The following STARD13 variants were observed in gnomAD, a reference collection of about 807,000 sequenced individuals.
The protein encoded by STARD13 is stAR-related lipid transfer protein 13.
Under a neutral mutation model 106.4 loss-of-function variants are expected in STARD13, and 62 were observed. That is an observed-to-expected ratio of 0.58 (90% CI 0.48 to 0.72). STARD13 has a LOEUF of 0.72. STARD13 is among the 30% of genes least tolerant of loss of function. STARD13 has a pLI of 0.00. For missense variants in STARD13, 1,387 were observed against 1,424.0 expected, an observed-to-expected ratio of 0.97 and a Z score of 0.42; for synonymous variants, 565 against 553.0, an observed-to-expected ratio of 1.02 and a Z score of -0.31.
At chr13:33,350,144 T>G (rs972170701) in intron 1 of STARD13, 4 of 1,146,616 alleles carry the variant, frequency 3.5e-6, no homozygotes, top group Non-Finnish European at 4.4e-6. Flanking sequence ...CCAGGGAGGG[T>G]GGTGCCCGCA....
At chr13:33,451,333 G>GT in the STARD13 span, among the ~76,000 whole-genome samples, 1 of 152,180 alleles carries the variant, frequency 6.6e-6, no homozygotes, top group Non-Finnish European at 1.5e-5. Flanking sequence ...CTCTAAAAAT[G>GT]TAAGTTTTAT....
the STARD13 span, among the ~76,000 whole-genome samples, chr13:33,593,545 C>T: frequency 6.6e-6 from 1 of 152,152 alleles, no homozygotes; most frequent in East Asian, 1.9e-4. Context: ...CCTCGAGACT[C>T]TCTTTTCTGG....
chr13:33,244,829 C>T lies in STARD13; in HGVS notation c.169+40641G>A, dbSNP rs369090481. ...AGGAGAAACCAGCAGAAGAACTCAA[C>T]AGCTGAGCCCTGACCAAATTGCCAA... On this transcript the variant is annotated intron_variant, in intron 1 of 13. Coordinates refer to ENST00000336934, the MANE Select transcript of STARD13 (RefSeq NM_178006.4). Among the ~76,000 whole-genome samples the T allele has an allele frequency of 3.9e-5, 6 of 152,312 alleles. 1 individual carries two copies. The South Asian group carries it at 1.0e-3, about 26-fold the overall frequency.
chr13:33,216,789 T>G (rs944230519), intron 1 of STARD13, among the ~76,000 whole-genome samples: 1 of 152,186 alleles, frequency 6.6e-6, no homozygotes, highest in African/African-American at 2.4e-5. Context: ...CAACCATAAC[T>G]GAAGCATGCC....
At chr13:33,465,521 G>C in the STARD13 span, among the ~76,000 whole-genome samples, 5 of 152,002 alleles carry the variant, frequency 3.3e-5, no homozygotes, top group Admixed American at 6.6e-5. Context: ...TTCCGCTTTT[G>C]TATTTCTATC....
chr13:33,235,736 C>A (rs1889154904), intron 1 of STARD13, among the ~76,000 whole-genome samples: 2 of 152,214 alleles, frequency 1.3e-5, no homozygotes, highest in South Asian at 4.1e-4. Flanking sequence ...GCTCCAAATG[C>A]AAATTCTTGG....
chr13:33,380,205 G>C, the STARD13 span, among the ~76,000 whole-genome samples: 14 of 152,008 alleles, frequency 9.2e-5, no homozygotes, highest in African/African-American at 3.1e-4. Flanking sequence ...TACCAACGTG[G>C]TGAATTCAAG....
chr13:33,211,760 G>A (rs1219163452), intron 1 of STARD13, among the ~76,000 whole-genome samples: 2 of 151,792 alleles, frequency 1.3e-5, no homozygotes, highest in Non-Finnish European at 2.9e-5. Flanking sequence ...TTCAATTCCC[G>A]GTTGAATCTA....
chr13:33,361,984 T>C, the STARD13 span, among the ~76,000 whole-genome samples: 1 of 152,238 alleles, frequency 6.6e-6, no homozygotes. Flanking sequence ...GCTAATAATA[T>C]ATTTGTTGTA....
the STARD13 span, among the ~76,000 whole-genome samples, chr13:33,499,523 TTCTTC>T: frequency 8.5e-3 from 425 of 50,294 alleles, 17 homozygotes; most frequent in African/African-American, 0.015. Flanking sequence ...TCTTTCTTTC[TTCTTC>T]TTCTTCTTCT....
At chr13:33,132,071 T>C (rs866206376) in intron 4 of STARD13, among the ~76,000 whole-genome samples, 1 of 152,226 alleles carries the variant, frequency 6.6e-6, no homozygotes, top group Non-Finnish European at 1.5e-5. Context: ...GATCCTCCTA[T>C]TCTTGTTTAT....
intron 1 of STARD13, chr13:33,349,271 G>A: frequency 1.4e-6 from 1 of 701,040 alleles, no homozygotes; most frequent in Admixed American, 2.0e-5. Flanking sequence ...GGTCACCTCA[G>A]GGGCCCTTCC....
chr13:33,595,161 G>A, the STARD13 span, among the ~76,000 whole-genome samples: 5,585 of 152,238 alleles, frequency 0.037, 267 homozygotes, highest in African/African-American at 0.1. Flanking sequence ...GATGTACTTC[G>A]GAGGTAACAG....
chr13:33,285,392 C>T (rs1262736808), intron 1 of STARD13, 78 bp downstream of exon 1: 2 of 1,455,832 alleles, frequency 1.4e-6, no homozygotes, highest in African/African-American at 1.4e-5. Context: ...AACAAACAAA[C>T]AAAAAAAACT....
At chr13:33,339,111 C>A (rs949814114) in intron 1 of STARD13, among the ~76,000 whole-genome samples, 1 of 152,130 alleles carries the variant, frequency 6.6e-6, no homozygotes, top group African/African-American at 2.4e-5. Context: ...AATATTAACT[C>A]ATTTAATCCT....
At chr13:33,138,346 C>T (rs1879325530) in intron 4 of STARD13, 1 of 151,112 alleles carries the variant, frequency 6.6e-6, no homozygotes, top group Non-Finnish European at 1.5e-5. Context: ...GAAACATTTT[C>T]CCGAGAAAAG....
At chr13:33,344,414 G>C (rs980765519), downstream of STARD13, among the ~76,000 whole-genome samples, 1 of 152,210 alleles carries the variant, frequency 6.6e-6, no homozygotes, top group Non-Finnish European at 1.5e-5. Flanking sequence ...ACACAGAAAA[G>C]TGATGATAAA....
the STARD13 span, among the ~76,000 whole-genome samples, chr13:33,432,287 T>G: frequency 1.3e-5 from 2 of 152,158 alleles, no homozygotes; most frequent in Admixed American, 6.5e-5. Context: ...GAAAAGATGT[T>G]AGAAAAAGTT....
the STARD13 span, among the ~76,000 whole-genome samples, chr13:33,369,492 C>T: frequency 8.5e-5 from 13 of 152,054 alleles, no homozygotes; most frequent in Non-Finnish European, 1.6e-4. Context: ...AAGTTAAGAA[C>T]GTTTTCTAAT....
Sources: gnomAD v4.1 joint callset for allele counts (sites outside exome capture counted in the v4.1 genomes callset) on GRCh38, gnomAD v4.1.1 for gene constraint, MANE v1.5 for transcripts, NCBI Gene and HGNC (gene_info 2026-07-23, HGNC 2026-07-21) for gene names.